NRG3: variants seen among roughly 807,000 people sequenced by gnomAD.
NRG3 encodes pro-neuregulin-3, membrane-bound isoform.
A neutral mutation model predicts 66.9 loss-of-function variants in NRG3; 31 were observed. That is an observed-to-expected ratio of 0.46 (90% confidence interval 0.35 to 0.63). The LOEUF is 0.63. Ranked by LOEUF, NRG3 falls within the 20% of genes least tolerant of loss-of-function variation. The probability of loss-of-function intolerance (pLI) is 0.00; values close to 1 mark genes in which losing one functional copy is unlikely to be tolerated. For missense variants in NRG3, 910 were observed against 878.9 expected, an observed-to-expected ratio of 1.04 and a Z score of -0.45; for synonymous variants, 393 against 359.4, an observed-to-expected ratio of 1.09 and a Z score of -1.06.
At chr10:82,288,739 A>C (rs2079559780) in intron 1 of NRG3, among the ~76,000 whole-genome samples, 1 of 152,228 alleles carries the variant, frequency 6.6e-6, no homozygotes, top group Non-Finnish European at 1.5e-5. Context: ...AGCAGCACCC[A>C]GACCATCTAT....
intron 2 of NRG3, among the ~76,000 whole-genome samples, chr10:82,542,013 G>A (rs1006574035): frequency 2.6e-5 from 4 of 152,146 alleles, no homozygotes; most frequent in South Asian, 2.1e-4. Context: ...CTATCAACCC[G>A]TCATCTAGCT....
chr10:82,865,496 A>T, intron 4 of NRG3, 59 bp downstream of exon 4: 2 of 1,509,810 alleles, frequency 1.3e-6, no homozygotes, highest in Non-Finnish European at 1.8e-6. Flanking sequence ...TATGATGTAC[A>T]TAGTGCTTTC....
rs565747209 is a variant in NRG3, at chr10:81,977,289, T to C, written c.823+101126T>C. ...AATGTCTGTCTACTGCAGTAAGCCGTGTGTGCTCCTGAAAGCTGGGTTTTG... is the reference window on the plus strand; with the variant it reads ...AATGTCTGTCTACTGCAGTAAGCCGCGTGTGCTCCTGAAAGCTGGGTTTTG... On this transcript the variant is annotated intron_variant, in intron 1 of 8. Transcript: ENST00000372141. Among the ~76,000 whole-genome samples the C allele has an allele frequency of 2.0e-4, 30 of 152,284 alleles. 1 individual carries two copies. The South Asian group carries it at 6.0e-3, about 30-fold the overall frequency.
At chr10:82,747,792 T>C (rs2058706072) in intron 3 of NRG3, among the ~76,000 whole-genome samples, 2 of 152,084 alleles carry the variant, frequency 1.3e-5, no homozygotes, top group South Asian at 2.1e-4. Flanking sequence ...TTTTGAAGCA[T>C]ACAAAAGTTT....
At chr10:82,227,959 G>A (rs12249202) in intron 1 of NRG3, among the ~76,000 whole-genome samples, 6,267 of 152,148 alleles carry the variant, frequency 0.041, 160 homozygotes, top group African/African-American at 0.047. Context: ...CAACTCCAAA[G>A]TTCCACTCAT....
At chr10:82,881,358 G>T (rs1842284367) in intron 4 of NRG3, among the ~76,000 whole-genome samples, 1 of 152,172 alleles carries the variant, frequency 6.6e-6, no homozygotes, top group Admixed American at 6.5e-5. Flanking sequence ...GCAGTTCAAG[G>T]CTATATTAAT....
rs146949910 is a variant in NRG3, at chr10:82,214,429, G to A, written c.824-144310G>A. 3.1e-4 allele frequency among the ~76,000 whole-genome samples: 47 copies of A among 152,204 alleles called. No individual in the cohort carries two copies. In the East Asian group the frequency reaches 4.6e-3, roughly 15 times the overall value. ...CCACCTGATATGGTGAGGAAGGCAG[G>A]TAATTGATCTTACTCCATCATATCA... On this transcript the variant is annotated intron_variant, in intron 1 of 8. Coordinates refer to ENST00000372141, the MANE Select transcript of NRG3 (RefSeq NM_001010848.4).
chr10:82,109,558 TG>T (rs2067256417), intron 1 of NRG3, among the ~76,000 whole-genome samples: 1 of 131,572 alleles, frequency 7.6e-6, no homozygotes, highest in Admixed American at 7.8e-5. Context: ...TGTGTGTGTG[TG>T]TGTGTGTGTG....
At chr10:81,884,187 T>C (rs73319109) in intron 1 of NRG3, among the ~76,000 whole-genome samples, 2,892 of 152,254 alleles carry the variant, frequency 0.019, 85 homozygotes, top group African/African-American at 0.066. Flanking sequence ...CTTACCTAAT[T>C]CACTGTTATA....
intron 1 of NRG3, among the ~76,000 whole-genome samples, chr10:81,988,715 A>G (rs931155562): frequency 2.0e-5 from 3 of 152,102 alleles, no homozygotes; most frequent in Admixed American, 1.3e-4. Context: ...AGTGTGTGTT[A>G]TATAGGATAT....
intron 1 of NRG3, among the ~76,000 whole-genome samples, chr10:82,311,999 T>C (rs2134988895): frequency 6.6e-6 from 1 of 152,228 alleles, no homozygotes; most frequent in Non-Finnish European, 1.5e-5. Context: ...CAATAAGACA[T>C]ATATGACACA....
chr10:82,127,431 C>A (rs2068519289), intron 1 of NRG3, among the ~76,000 whole-genome samples: 1 of 152,044 alleles, frequency 6.6e-6, no homozygotes, highest in Non-Finnish European at 1.5e-5. Flanking sequence ...ATGTACAGAG[C>A]TGATTTCCTG....
At chr10:82,211,134 T>G (rs10748923) in intron 1 of NRG3, among the ~76,000 whole-genome samples, 21,285 of 152,102 alleles carry the variant, frequency 0.14, 2,028 homozygotes, top group African/African-American at 0.27. Context: ...AAGATAATAT[T>G]AAAATAAGAA....
chr10:81,918,321 T>C (rs1292191393), intron 1 of NRG3, among the ~76,000 whole-genome samples: 1 of 152,202 alleles, frequency 6.6e-6, no homozygotes, highest in African/African-American at 2.4e-5. Flanking sequence ...TTTAAAGAAC[T>C]GCAGTCCTCT....
chr10:82,831,235 C>T (rs1324129169), intron 3 of NRG3, among the ~76,000 whole-genome samples: 1 of 152,134 alleles, frequency 6.6e-6, no homozygotes, highest in Non-Finnish European at 1.5e-5. Context: ...AGGTCTCCCT[C>T]AGCAGCCCTG....
intron 4 of NRG3, among the ~76,000 whole-genome samples, chr10:82,880,719 A>T (rs1842227538): frequency 6.6e-6 from 1 of 152,244 alleles, no homozygotes; most frequent in Admixed American, 6.5e-5. Flanking sequence ...TTTAGTCAAT[A>T]AAAATGCAGG....
intron 2 of NRG3, among the ~76,000 whole-genome samples, chr10:82,506,664 C>G (rs1215972721): frequency 6.6e-6 from 1 of 152,056 alleles, no homozygotes; most frequent in East Asian, 1.9e-4. Flanking sequence ...AATAAATCAG[C>G]TGTGGAGCAG....
chr10:82,338,941 T>G (rs535972097), intron 1 of NRG3, among the ~76,000 whole-genome samples: 1 of 152,282 alleles, frequency 6.6e-6, no homozygotes, highest in Admixed American at 6.5e-5. Flanking sequence ...AGAGTCCCAA[T>G]GTAGTACCAA....
At chr10:81,960,897 A>T (rs886707589) in intron 1 of NRG3, among the ~76,000 whole-genome samples, 1 of 152,018 alleles carries the variant, frequency 6.6e-6, no homozygotes, top group Non-Finnish European at 1.5e-5. Flanking sequence ...AAGACCCCTC[A>T]TCCACAGAGT....
Sources: allele counts gnomAD v4.1 joint callset (sites outside exome capture counted in the v4.1 genomes callset), GRCh38; gene constraint gnomAD v4.1.1; transcripts MANE v1.5; gene names NCBI Gene and HGNC (gene_info 2026-07-23, HGNC 2026-07-21).